Variants in DNAH14 observed in about 807,000 individuals in gnomAD.
DNAH14 encodes dynein axonemal heavy chain 14.
In DNAH14, 478 loss-of-function variants were observed where a neutral mutation model predicts 520.9. That is an observed-to-expected ratio of 0.92 (90% CI 0.85 to 0.99). The LOEUF (loss-of-function observed/expected upper bound fraction) is 0.99, where lower values mean the gene tolerates loss of function less well. Ranked by LOEUF, DNAH14 falls within the 50% of genes least tolerant of loss-of-function variation. The pLI is 0.00. For missense variants in DNAH14, 4,831 were observed against 5,234.5 expected, an observed-to-expected ratio of 0.92 and a Z score of 2.38; for synonymous variants, 1,581 against 1,757.2, an observed-to-expected ratio of 0.90 and a Z score of 2.51.
At chr1:225,282,656 T>C (rs1318680294) in intron 54 of DNAH14, among the ~76,000 whole-genome samples, 1 of 152,162 alleles carries the variant, frequency 6.6e-6, no homozygotes, top group Non-Finnish European at 1.5e-5. Flanking sequence ...GGAAATGCTC[T>C]AGGAAATGTG....
At chr1:225,001,888 T>C (rs2063799806) in intron 8 of DNAH14, among the ~76,000 whole-genome samples, 1 of 152,052 alleles carries the variant, frequency 6.6e-6, no homozygotes, top group Admixed American at 6.6e-5. Flanking sequence ...TAGTTTTATG[T>C]TATGTGAGGC....
chr1:225,362,653 A>G (rs1279234304), intron 75 of DNAH14, among the ~76,000 whole-genome samples: 1 of 152,082 alleles, frequency 6.6e-6, no homozygotes, highest in East Asian at 1.9e-4. Context: ...GCCAAAGTCC[A>G]GCCTATTAAA....
intron 49 of DNAH14, among the ~76,000 whole-genome samples, chr1:225,270,051 A>C (rs2093266025): frequency 6.6e-6 from 1 of 152,200 alleles, no homozygotes; most frequent in African/African-American, 2.4e-5. Flanking sequence ...TATTCACAAT[A>C]GCAAAGACTT....
rs768225657 is a variant in DNAH14, at chr1:225,100,714, C to T, written c.3697C>T (p.Gln1233Ter). 3 of 1,479,550 alleles carry T rather than the reference C, an allele frequency of 2.0e-6. No individual in the cohort carries two copies. The highest frequency in any genetic ancestry group is 2.9e-5 in the South Asian group (2 of 70,148). The allele number at this position is 1,479,550 out of a possible 1,614,324, so 91.7% of individuals were successfully genotyped here. A position where few individuals can be genotyped will look rare whatever the true frequency, so the allele number is the denominator to read the frequency against. The change falls in exon 23 of 86, where the codon CAA becomes TAA. Residue 1233 changes from glutamine to a stop codon, truncating the protein, a stop_gained and splice_region_variant. Coordinates refer to ENST00000682510, the MANE Select transcript of DNAH14 (RefSeq NM_001367479.1). LOFTEE classifies it high-confidence loss of function. The stretch of plus-strand genomic sequence containing the variant: ...TGACATCTAATTTTTTTTCTAAAGG[C>T]AACTCCCAGCAGAAACAGAACTTTT... ...PVFHSSEIRR[Q>*]LPAETELFSQ...
At position 225,337,516 on chromosome 1, in the gene DNAH14, TA is replaced by T. The variant is rs1399042182; in HGVS notation, c.10311+22del. On this transcript the variant is annotated intron_variant, in intron 67 of 85. Coordinates refer to ENST00000682510, the MANE Select transcript of DNAH14 (RefSeq NM_001367479.1). ...CTGCAGGTAAGTGGGCAGTATGGCC[TA>T]ATTTCCCTTGCAGCTGATACATATG... 2 of 1,533,764 alleles carry T rather than the reference TA, an allele frequency of 1.3e-6. No homozygotes were observed. Among genetic ancestry groups the T allele is most frequent in the Non-Finnish European group, 1.8e-6 (2 of 1,130,704 alleles).
At chr1:225,276,941 AAAAGGAAGGAAG>A (rs2093482465) in intron 53 of DNAH14, among the ~76,000 whole-genome samples, 2 of 102,510 alleles carry the variant, frequency 2.0e-5, no homozygotes, top group Non-Finnish European at 4.1e-5. Context: ...AAGAAGAAGA[AAAAGGAAGGAAG>A]GAAGGAAGGA....
At chr1:225,222,758 G>A (rs661753) in intron 41 of DNAH14, among the ~76,000 whole-genome samples, 20,012 of 152,082 alleles carry the variant, frequency 0.13, 1,511 homozygotes, top group East Asian at 0.31. Flanking sequence ...TCTCACAGCC[G>A]CTTAAAGCTG....
At chr1:225,392,869 C>T (rs2095939063) in intron 84 of DNAH14, among the ~76,000 whole-genome samples, 1 of 152,154 alleles carries the variant, frequency 6.6e-6, no homozygotes, top group African/African-American at 2.4e-5. Flanking sequence ...AAACCTACAC[C>T]TACCCAGACC....
intron 30 of DNAH14, among the ~76,000 whole-genome samples, 199 bp from the exon 31 acceptor site, chr1:225,146,905 C>T (rs972215953): frequency 6.6e-6 from 1 of 152,072 alleles, no homozygotes; most frequent in South Asian, 2.1e-4. Flanking sequence ...CTTTTAGAAG[C>T]AAAAGGCAGA....
At chr1:224,973,744 A>G (rs2061642977) in intron 7 of DNAH14, among the ~76,000 whole-genome samples, 2 of 152,216 alleles carry the variant, frequency 1.3e-5, no homozygotes, top group South Asian at 4.1e-4. Flanking sequence ...TGAAAATTGA[A>G]TCTTGATTTT....
At chr1:224,944,818 A>AC (rs1158156018) in intron 1 of DNAH14, among the ~76,000 whole-genome samples, 4 of 151,916 alleles carry the variant, frequency 2.6e-5, no homozygotes, top group Non-Finnish European at 5.9e-5. Flanking sequence ...TTAAATATTG[A>AC]CCCCCACTCT....
At chr1:225,292,845 AT>A (rs2093922986) in intron 55 of DNAH14, among the ~76,000 whole-genome samples, 1 of 151,868 alleles carries the variant, frequency 6.6e-6, no homozygotes, top group Non-Finnish European at 1.5e-5. Flanking sequence ...CAGGTATTTT[AT>A]TTTATTTATT....
chr1:225,174,539 A>T (rs975815386), intron 36 of DNAH14, among the ~76,000 whole-genome samples: 18 of 152,188 alleles, frequency 1.2e-4, no homozygotes, highest in African/African-American at 3.6e-4. Context: ...CTGCAACCTT[A>T]TTAAATTCAT....
chr1:225,058,410 T>G (rs12123689), intron 17 of DNAH14, among the ~76,000 whole-genome samples: 111,971 of 151,766 alleles, frequency 0.74, 44,174 homozygotes, highest in Non-Finnish European at 0.88. Flanking sequence ...GTCTATTTGA[T>G]TCTTCTCTCT....
At chr1:225,178,437 G>A (rs746308788) in intron 36 of DNAH14, among the ~76,000 whole-genome samples, 2 of 152,270 alleles carry the variant, frequency 1.3e-5, no homozygotes, top group South Asian at 2.1e-4. Flanking sequence ...CACAGGAATA[G>A]CAAGGGAAAG....
intron 84 of DNAH14, among the ~76,000 whole-genome samples, chr1:225,393,798 T>C (rs147731063): frequency 2.6e-5 from 4 of 151,846 alleles, no homozygotes; most frequent in Non-Finnish European, 5.9e-5. Flanking sequence ...GGACGTGCAG[T>C]GATATATCTT....
At chr1:225,216,395 G>A (rs1015951233) in intron 41 of DNAH14, among the ~76,000 whole-genome samples, 5 of 152,172 alleles carry the variant, frequency 3.3e-5, no homozygotes. Flanking sequence ...TTCTCGAGGA[G>A]TATCTTTGTG....
intron 23 of DNAH14, among the ~76,000 whole-genome samples, chr1:225,104,955 C>G (rs1363561101): frequency 1.3e-5 from 2 of 152,106 alleles, no homozygotes; most frequent in African/African-American, 4.8e-5. Flanking sequence ...TCTTGCTTCT[C>G]TAGTTCTTTT....
chr1:225,300,742 A>T, intron 55 of DNAH14, 127 bp from the exon 56 acceptor site: 1 of 1,050,238 alleles, frequency 9.5e-7, no homozygotes, highest in Non-Finnish European at 1.3e-6. Context: ...TTAGCTTTAA[A>T]AAAAAAAATC....
Sources: gnomAD v4.1 joint callset for allele counts (sites outside exome capture counted in the v4.1 genomes callset) on GRCh38, gnomAD v4.1.1 for gene constraint, MANE v1.5 for transcripts, NCBI Gene and HGNC (gene_info 2026-07-23, HGNC 2026-07-21) for gene names.